Variants in SPHKAP observed in about 807,000 individuals in gnomAD.
SPHKAP encodes the protein A-kinase anchor protein SPHKAP.
SPHKAP carries 67 observed loss-of-function variants against 137.5 expected under a neutral mutation model. The observed-to-expected ratio is 0.49, with a 90% CI of 0.40 to 0.60. SPHKAP has a LOEUF of 0.60. SPHKAP is among the 20% of genes least tolerant of loss of function. The pLI is 0.00. For missense variants in SPHKAP, 2,097 were observed against 2,069.3 expected, an observed-to-expected ratio of 1.01 and a Z score of -0.26; for synonymous variants, 813 against 785.3, an observed-to-expected ratio of 1.04 and a Z score of -0.59.
intron 1 of SPHKAP, among the ~76,000 whole-genome samples, chr2:228,143,836 C>T (rs1699683667): frequency 6.6e-6 from 1 of 152,048 alleles, no homozygotes; most frequent in Non-Finnish European, 1.5e-5. Context: ...TAAGATCTTG[C>T]AGGAGCTCTG....
chr2:228,120,756 A>G (rs1447096975), intron 2 of SPHKAP, among the ~76,000 whole-genome samples: 2 of 152,212 alleles, frequency 1.3e-5, no homozygotes, highest in Non-Finnish European at 2.9e-5. Flanking sequence ...TGGCTGAAGA[A>G]GGCTTTGAAA....
Position 228,019,249 on chromosome 2 carries a change from T to G in SPHKAP, c.1605A>C (p.Ala535=), listed in dbSNP as rs749478448. The change falls in exon 7 of 12, where the codon GCA becomes GCC. Residue 535 remains alanine (A), a synonymous_variant. Coordinates refer to ENST00000392056, the MANE Select transcript of SPHKAP (RefSeq NM_001142644.2). ...VSNFPPGSSG[A]LQTQAPQGLK... Reference sequence around the variant, plus strand: ...GTCCTTGGGGTGCTTGAGTTTGCAGTGCACCACTGCTCCCTGGGGGAAAGT... The same window carrying G: ...GTCCTTGGGGTGCTTGAGTTTGCAGGGCACCACTGCTCCCTGGGGGAAAGT... 1.2e-6 allele frequency: 2 copies of G among 1,613,974 alleles called. No homozygotes were observed. Among genetic ancestry groups the G allele is most frequent in the East Asian group, 2.2e-5 (1 of 44,884 alleles).
chr2:228,004,171 G>A (rs6744818), intron 7 of SPHKAP, among the ~76,000 whole-genome samples: 79,863 of 151,930 alleles, frequency 0.53, 21,317 homozygotes, highest in South Asian at 0.67. Flanking sequence ...GTAGAATTCG[G>A]CTGTGAATCC....
intron 11 of SPHKAP, 175 bp from the exon 12 acceptor site, chr2:227,982,035 G>T: frequency 3.1e-6 from 3 of 974,880 alleles, no homozygotes; most frequent in Middle Eastern, 5.3e-4. Context: ...GATTATTACC[G>T]AACTTCATCA....
At chr2:228,129,779 C>T (rs1699188958) in intron 2 of SPHKAP, among the ~76,000 whole-genome samples, 1 of 149,264 alleles carries the variant, frequency 6.7e-6, no homozygotes, top group Non-Finnish European at 1.5e-5. Flanking sequence ...TAAAGATTAG[C>T]TTTAGTTTTA....
At chr2:228,063,201 T>C (rs1219562686) in intron 3 of SPHKAP, among the ~76,000 whole-genome samples, 2 of 152,080 alleles carry the variant, frequency 1.3e-5, no homozygotes, top group African/African-American at 2.4e-5. Context: ...TCTGTCTATC[T>C]ATCTATCTAT....
intron 1 of SPHKAP, among the ~76,000 whole-genome samples, chr2:228,173,595 G>T (rs1700651141): frequency 6.6e-6 from 1 of 152,048 alleles, no homozygotes; most frequent in Admixed American, 6.5e-5. Context: ...TGGTCATGAG[G>T]CAAGCAATGT....
In SPHKAP at chr2:228,019,702, T is replaced by C; in HGVS notation, c.1152A>G (p.Gly384=). The C allele has an allele frequency of 6.2e-7, 1 of 1,614,220 alleles. No individual in the cohort carries two copies. Among genetic ancestry groups the C allele is most frequent in the South Asian group, 1.1e-5 (1 of 91,076 alleles). Residue 384 remains glycine, a synonymous_variant, in exon 7 of 12, where the codon GGA becomes GGG. Coordinates refer to ENST00000392056, the MANE Select transcript of SPHKAP (RefSeq NM_001142644.2). Reference sequence around the variant, plus strand: ...TAGCATACTTGCCAGTGGTGACTTCTCCATCTTGTCTAGGAGGGAGAGCGT... The same window carrying C: ...TAGCATACTTGCCAGTGGTGACTTCCCCATCTTGTCTAGGAGGGAGAGCGT... The part of the protein sequence containing the change: ...TRNALPPRQD[G]EVTTGKYATN...
chr2:228,121,138 T>G (rs911655702), intron 2 of SPHKAP, among the ~76,000 whole-genome samples: 2 of 152,194 alleles, frequency 1.3e-5, no homozygotes, highest in African/African-American at 4.8e-5. Context: ...AATTTGCCAC[T>G]AGACAAAGGG....
intron 7 of SPHKAP, among the ~76,000 whole-genome samples, chr2:228,015,743 G>C (rs1479603529): frequency 6.6e-6 from 1 of 152,002 alleles, no homozygotes; most frequent in Non-Finnish European, 1.5e-5. Flanking sequence ...GCATCTAAAG[G>C]GCAGCCCTTC....
chr2:228,079,423 A>C (rs1697287167), intron 3 of SPHKAP, among the ~76,000 whole-genome samples: 1 of 152,154 alleles, frequency 6.6e-6, no homozygotes, highest in Non-Finnish European at 1.5e-5. Context: ...CTATGGCCCC[A>C]GGCTTCAGGT....
intron 1 of SPHKAP, among the ~76,000 whole-genome samples, chr2:228,167,781 G>A (rs1700462626): frequency 6.6e-6 from 1 of 152,108 alleles, no homozygotes; most frequent in African/African-American, 2.4e-5. Flanking sequence ...GGTATGTTAT[G>A]TAACTTACAT....
Position 228,131,974 on chromosome 2 carries a change from G to C in SPHKAP, c.138+6C>G, listed in dbSNP as rs1001374313. On this transcript the variant is annotated splice_donor_region_variant and intron_variant, in intron 2 of 11. Coordinates refer to ENST00000392056, the MANE Select transcript of SPHKAP (RefSeq NM_001142644.2). ...ACAAGAAGAAAGTGGCGTAAGGCAA[G>C]GTTACCTTCTTACAGGCTGTGATGG... The C allele has an allele frequency of 3.1e-6, 5 of 1,613,452 alleles. No homozygotes were observed.
At chr2:228,012,662 G>A (rs1343249740) in intron 7 of SPHKAP, among the ~76,000 whole-genome samples, 1 of 152,118 alleles carries the variant, frequency 6.6e-6, no homozygotes, top group Non-Finnish European at 1.5e-5. Flanking sequence ...ATTTTCTTCT[G>A]TGTTTTCAGC....
At chr2:228,012,355 A>G (rs1273794412) in intron 7 of SPHKAP, among the ~76,000 whole-genome samples, 1 of 152,074 alleles carries the variant, frequency 6.6e-6, no homozygotes, top group Non-Finnish European at 1.5e-5. Flanking sequence ...CAGGATTTCT[A>G]GGTGATTCAT....
At chr2:228,147,394 T>C (rs1699806240) in intron 1 of SPHKAP, among the ~76,000 whole-genome samples, 1 of 152,206 alleles carries the variant, frequency 6.6e-6, no homozygotes, top group Non-Finnish European at 1.5e-5. Context: ...AAGATGCATA[T>C]AGTTTACAAT....
intron 3 of SPHKAP, among the ~76,000 whole-genome samples, chr2:228,076,096 A>T (rs1697173510): frequency 6.6e-6 from 1 of 152,160 alleles, no homozygotes; most frequent in Non-Finnish European, 1.5e-5. Flanking sequence ...TCCCTGCACA[A>T]GCCCTCTTTG....
chr2:228,030,079 G>T (rs1219587081), intron 3 of SPHKAP, among the ~76,000 whole-genome samples: 2 of 152,142 alleles, frequency 1.3e-5, no homozygotes, highest in Non-Finnish European at 2.9e-5. Context: ...TTTGCTACCT[G>T]AACCAAGATA....
intron 3 of SPHKAP, among the ~76,000 whole-genome samples, chr2:228,056,839 C>T (rs973238298): frequency 6.6e-6 from 1 of 152,114 alleles, no homozygotes; most frequent in Admixed American, 6.6e-5. Flanking sequence ...TGTATATATT[C>T]AGGCATAATT....
Sources: allele counts gnomAD v4.1 joint callset (sites outside exome capture counted in the v4.1 genomes callset), GRCh38; gene constraint gnomAD v4.1.1; transcripts MANE v1.5; gene names NCBI Gene and HGNC (gene_info 2026-07-23, HGNC 2026-07-21).